The following SUPT7L variants were observed in gnomAD, a reference collection of about 807,000 sequenced individuals.
SUPT7L encodes SPT7 like, STAGA complex subunit gamma.
Under a neutral mutation model 35.7 loss-of-function variants are expected in SUPT7L, and 15 were observed. The ratio of observed to expected loss-of-function variants is 0.42; its 90% CI spans 0.28 to 0.65. SUPT7L has a LOEUF of 0.65. Among genes scored for constraint, SUPT7L ranks in the 30% least tolerant of loss-of-function variants. SUPT7L has a pLI of 0.23. For missense variants in SUPT7L, 434 were observed against 522.2 expected (o/e 0.83, Z 1.65); for synonymous variants, 168 against 186.2 (o/e 0.90, Z 0.79).
At chr2:27,662,954 T>C (rs1334339927) in intron 1 of SUPT7L, among the ~76,000 whole-genome samples, 2 of 138,754 alleles carry the variant, frequency 1.4e-5, no homozygotes, top group African/African-American at 2.7e-5. Flanking sequence ...TTTTTTCTTT[T>C]TTTTTTTTTT....
chr2:27,644,958 C>T, the SUPT7L span, among the ~76,000 whole-genome samples: 1 of 151,894 alleles, frequency 6.6e-6, no homozygotes, highest in Non-Finnish European at 1.5e-5. Flanking sequence ...TATTATTTCA[C>T]TGGACTGTTT....
At chr2:27,645,949 C>T (rs1368127118), downstream of SUPT7L, among the ~76,000 whole-genome samples, 8 of 150,854 alleles carry the variant, frequency 5.3e-5, no homozygotes, top group African/African-American at 1.5e-4. Context: ...AGGCTGGTCT[C>T]GAACTCCTGG....
At chr2:27,642,583 T>G in the SUPT7L span, 1 of 1,019,740 alleles carries the variant, frequency 9.8e-7, no homozygotes, top group Non-Finnish European at 1.5e-6. Context: ...TTTATTTATT[T>G]ATTTATTTTT....
At chr2:27,642,952 T>C in the SUPT7L span, among the ~76,000 whole-genome samples, 80 of 38,050 alleles carry the variant, frequency 2.1e-3, no homozygotes, top group Admixed American at 4.0e-3. Flanking sequence ...TTTATATATA[T>C]ATATATACAC....
chr2:27,662,161 A>G lies in SUPT7L; in HGVS notation c.14+18T>C. Reference sequence around the variant, plus strand: ...TGGCTTACCATTCAACAAAATTCACAATCTGGTTTCAACTCACCTTTGCAG... The same window carrying G: ...TGGCTTACCATTCAACAAAATTCACGATCTGGTTTCAACTCACCTTTGCAG... On this transcript the variant is annotated intron_variant, in intron 2 of 5. Coordinates refer to ENST00000337768, the MANE Select transcript of SUPT7L (RefSeq NM_014860.3). The G allele has an allele frequency of 6.2e-7, 1 of 1,614,146 alleles. No individual in the cohort carries two copies. Among genetic ancestry groups the G allele is most frequent in the Non-Finnish European group, 8.5e-7 (1 of 1,179,982 alleles).
rs988530730 is a variant in SUPT7L at position 27,651,155 on chromosome 2, C to T, written c.*2330G>A. On this transcript the variant is annotated 3_prime_UTR_variant, in exon 6 of 6. Coordinates refer to ENST00000337768, the MANE Select transcript of SUPT7L (RefSeq NM_014860.3). ...ACGTTTGCCCTGCCTCCACATTTTACAGTATCTTAAAACAGTACATTTCTT... is the reference window on the plus strand; with the variant it reads ...ACGTTTGCCCTGCCTCCACATTTTATAGTATCTTAAAACAGTACATTTCTT... The T allele has an allele frequency of 5.2e-5, 8 of 152,386 alleles. No homozygotes were observed. The highest frequency in any genetic ancestry group is 1.7e-4 in the African/African-American group (7 of 41,470). The allele number at this position is 152,386 out of a possible 1,614,324, so 9.4% of individuals were successfully genotyped here.
At chr2:27,662,356 G>A (rs907291433) in intron 1 of SUPT7L, 75 bp from the exon 2 acceptor site, 8 of 718,932 alleles carry the variant, frequency 1.1e-5, no homozygotes, top group African/African-American at 8.9e-5. Context: ...GAGGTATATG[G>A]ACCTGGGGTA....
intron 3 of SUPT7L, among the ~76,000 whole-genome samples, chr2:27,660,710 A>G (rs967560282): frequency 1.3e-5 from 2 of 152,196 alleles, no homozygotes; most frequent in Non-Finnish European, 1.5e-5. Flanking sequence ...CTATGAGGCC[A>G]TGGCCTTTTT....
downstream of SUPT7L, among the ~76,000 whole-genome samples, chr2:27,647,635 A>T (rs535176158): frequency 4.1e-4 from 62 of 152,358 alleles, no homozygotes; most frequent in African/African-American, 1.5e-3. Context: ...TCCTAGGGCT[A>T]TTTGCCTTAT....
At chr2:27,659,881 A>G (rs959926901) in intron 3 of SUPT7L, among the ~76,000 whole-genome samples, 8 of 152,252 alleles carry the variant, frequency 5.3e-5, no homozygotes, top group African/African-American at 1.9e-4. Context: ...TTAGTGAGTC[A>G]TGGTGAAGGT....
At chr2:27,659,480 T>A (rs1674952980) in intron 3 of SUPT7L, among the ~76,000 whole-genome samples, 1 of 152,250 alleles carries the variant, frequency 6.6e-6, no homozygotes, top group East Asian at 1.9e-4. Context: ...CCTGAACTCA[T>A]AAAAGACTCT....
In SUPT7L at chr2:27,661,180, G is replaced by A. The variant is rs748274586; in HGVS notation, c.223C>T (p.Arg75Cys). 9.9e-6 allele frequency: 16 copies of A among 1,614,014 alleles called. No individual in the cohort carries two copies. Among genetic ancestry groups the A allele is most frequent in the East Asian group, 4.5e-5 (2 of 44,888 alleles). ...HTIQLIQHNR[R>C]LRNLIATAQA... ...GCTGTGGCAATAAGGTTGCGAAGACGTCGGTTGTGCTGAATCAACTGAATC... is the reference window on the plus strand; with the variant it reads ...GCTGTGGCAATAAGGTTGCGAAGACATCGGTTGTGCTGAATCAACTGAATC... The change falls in exon 3 of 6, where the codon CGT (arginine) becomes TGT (cysteine). Residue 75 changes from arginine (R) to cysteine (C), a missense_variant. Around this residue, in one of 3 missense-constraint regions of SUPT7L, gnomAD observed 77 missense variants for 114.4 expected, o/e 0.67. Coordinates refer to ENST00000337768, the MANE Select transcript of SUPT7L (RefSeq NM_014860.3).
intron 5 of SUPT7L, among the ~76,000 whole-genome samples, chr2:27,654,307 A>G (rs548880675): frequency 6.6e-6 from 1 of 152,314 alleles, no homozygotes; most frequent in South Asian, 2.1e-4. Flanking sequence ...TATTCTAGCA[A>G]TGCTGTTCTC....
the SUPT7L span, among the ~76,000 whole-genome samples, chr2:27,643,627 C>T: frequency 2.6e-5 from 4 of 152,164 alleles, no homozygotes; most frequent in Non-Finnish European, 5.9e-5. This position sits in a 1 kb window ranked among gnomAD's most constrained non-coding sequence, Gnocchi z 4.0. Flanking sequence ...CCTTTAGAAT[C>T]TGGAACAGTG....
In SUPT7L at chr2:27,663,566, G is replaced by A. The variant is rs1256378043; in HGVS notation, c.-327C>T. On this transcript the variant is annotated 5_prime_UTR_variant, in exon 1 of 6. Transcript: ENST00000337768. ...GCTGTCTGGACCTCGAGAGGCCTGA[G>A]GCAAGGATCGCGTCAGACCCCGAAA... 1.7e-6 allele frequency: 1 copy of A among 591,864 alleles called. No individual in the cohort carries two copies. The highest frequency in any genetic ancestry group is 1.9e-5 in the African/African-American group (1 of 53,628). 36.7% of individuals were successfully genotyped at this position (591,864 alleles called of 1,614,324 possible). A position where few individuals can be genotyped will look rare whatever the true frequency, so the allele number is the denominator to read the frequency against.
chr2:27,661,986 G>A (rs569699465), intron 2 of SUPT7L, 193 bp downstream of exon 2: 10 of 708,644 alleles, frequency 1.4e-5, no homozygotes, highest in African/African-American at 3.6e-5. Flanking sequence ...CATATAGAAC[G>A]TGAGAGATTT....
intron 3 of SUPT7L, among the ~76,000 whole-genome samples, chr2:27,659,003 A>C (rs1425066229): frequency 6.6e-6 from 1 of 152,228 alleles, no homozygotes; most frequent in African/African-American, 2.4e-5. Flanking sequence ...TACTATATAA[A>C]TTTGATACAA....
chr2:27,649,504 C>G (rs1221150783), downstream of SUPT7L, among the ~76,000 whole-genome samples: 2 of 152,258 alleles, frequency 1.3e-5, no homozygotes, highest in South Asian at 2.1e-4. Flanking sequence ...CCCTCACCCC[C>G]CAAAACTTCC....
intron 1 of SUPT7L, among the ~76,000 whole-genome samples, chr2:27,663,035 G>A (rs774244507): frequency 5.2e-4 from 65 of 124,640 alleles, no homozygotes; most frequent in South Asian, 5.4e-4. Context: ...CAATCCTCCC[G>A]CCTCAGCCTC....
Sources: allele counts gnomAD v4.1 joint callset (sites outside exome capture counted in the v4.1 genomes callset), GRCh38; gene constraint gnomAD v4.1.1; regional missense constraint gnomAD v4.1.1; non-coding constraint Gnocchi (gnomAD v3.1); transcripts MANE v1.5; gene names NCBI Gene and HGNC (gene_info 2026-07-23, HGNC 2026-07-21).